CHP1: variants seen among roughly 807,000 people sequenced by gnomAD.
CHP1 encodes the protein calcineurin like EF-hand protein 1.
CHP1 carries 11 observed loss-of-function variants against 27.4 expected under a neutral mutation model. The observed-to-expected ratio is 0.40, with a 90% CI of 0.25 to 0.67. The LOEUF is 0.67. Among genes scored for constraint, CHP1 ranks in the 30% least tolerant of loss-of-function variants. CHP1 has a pLI of 0.38. For missense variants in CHP1, 169 were observed against 251.3 expected, an observed-to-expected ratio of 0.67 and a Z score of 2.22; for synonymous variants, 89 against 87.4, an observed-to-expected ratio of 1.02 and a Z score of -0.10.
chr15:41,234,494 G>A (rs551307329), intron 1 of CHP1, among the ~76,000 whole-genome samples: 1 of 152,232 alleles, frequency 6.6e-6, no homozygotes, highest in South Asian at 2.1e-4. Context: ...TTTATATTCA[G>A]TGCAAAAGCT....
At chr15:41,233,348 A>G (rs1325986166) in intron 1 of CHP1, among the ~76,000 whole-genome samples, 1 of 152,226 alleles carries the variant, frequency 6.6e-6, no homozygotes, top group Non-Finnish European at 1.5e-5. Flanking sequence ...TTTTTGCTTC[A>G]GAATGAAGGG....
chr15:41,238,684 CAA>C (rs770298183), intron 1 of CHP1, among the ~76,000 whole-genome samples: 13 of 123,656 alleles, frequency 1.1e-4, no homozygotes, highest in African/African-American at 9.2e-5. Context: ...ACTAAAAATA[CAA>C]AAAAAAAAAA....
chr15:41,275,789 C>T (rs1173775686), intron 5 of CHP1, among the ~76,000 whole-genome samples: 1 of 152,058 alleles, frequency 6.6e-6, no homozygotes, highest in East Asian at 2.0e-4. Flanking sequence ...AATTTTGGCT[C>T]ACCACAACCT....
At chr15:41,260,147 C>T (rs923815130) in intron 3 of CHP1, among the ~76,000 whole-genome samples, 46 of 151,156 alleles carry the variant, frequency 3.0e-4, no homozygotes, top group Middle Eastern at 3.5e-3. Flanking sequence ...CTCAGCTATT[C>T]GGTGGGGCAC....
At position 41,270,636 on chromosome 15, in the gene CHP1, C is replaced by T. The variant is rs1458515662; in HGVS notation, c.411+18C>T. On this transcript the variant is annotated intron_variant, in intron 5 of 6. Transcript: ENST00000334660. ...TGTTACAGGTATGTGGAGAGCTCCTCGAGAACTTGTGCTTGGACTCTGCCT... is the reference window on the plus strand; with the variant it reads ...TGTTACAGGTATGTGGAGAGCTCCTTGAGAACTTGTGCTTGGACTCTGCCT... The T allele has an allele frequency of 5.6e-6, 9 of 1,601,866 alleles. No homozygotes were observed. The highest frequency in any genetic ancestry group is 3.3e-5 in the Admixed American group (2 of 59,916).
chr15:41,247,272 G>A (rs908172147), intron 2 of CHP1, among the ~76,000 whole-genome samples: 2 of 152,030 alleles, frequency 1.3e-5, no homozygotes, highest in African/African-American at 4.8e-5. Context: ...GGGAGGTTGA[G>A]GCAGGAAAAT....
intron 5 of CHP1, among the ~76,000 whole-genome samples, chr15:41,273,638 C>T (rs1462599247): frequency 6.6e-6 from 1 of 151,670 alleles, no homozygotes; most frequent in African/African-American, 2.4e-5. Context: ...GCCTCGGCCT[C>T]CCAAAGTGTG....
chr15:41,274,869 C>T lies in CHP1; in HGVS notation c.412-3898C>T, dbSNP rs567367242. ...GCAGTGGCATGATCTCAGCTCACTG[C>T]GACCTCCACCTCCCGGGTTCAAGTG... is the stretch of plus-strand genomic sequence containing the variant. On this transcript the variant is annotated intron_variant, in intron 5 of 6. Transcript: ENST00000334660. Among the ~76,000 whole-genome samples the T allele has an allele frequency of 1.5e-4, 22 of 148,334 alleles. 1 individual carries two copies. Among genetic ancestry groups the T allele is most frequent in the South Asian group, 8.5e-4 (4 of 4,698 alleles).
intron 1 of CHP1, among the ~76,000 whole-genome samples, chr15:41,232,974 T>C (rs141988079): frequency 1.7e-3 from 262 of 152,328 alleles, no homozygotes; most frequent in Non-Finnish European, 2.7e-3. Context: ...ATATGGCCCT[T>C]AAGCCTCTCT....
At chr15:41,246,423 G>A (rs2047334721) in intron 2 of CHP1, among the ~76,000 whole-genome samples, 1 of 151,094 alleles carries the variant, frequency 6.6e-6, no homozygotes, top group African/African-American at 2.4e-5. Flanking sequence ...GGGTTCAAGT[G>A]ATTCTCCTGC....
intron 3 of CHP1, among the ~76,000 whole-genome samples, chr15:41,259,931 C>T (rs923761672): frequency 3.9e-5 from 6 of 152,084 alleles, no homozygotes; most frequent in African/African-American, 1.2e-4. Flanking sequence ...GGTTTCACCA[C>T]GTTGGCCAGG....
chr15:41,254,022 A>G lies in CHP1; in HGVS notation c.141-2888A>G, dbSNP rs187721528. ...TTGCCCAGGCTGGTCTCGAACTCCT[A>G]GCCTGAAGCAGTTCTTCCACCTTGG... On this transcript the variant is annotated intron_variant, in intron 2 of 6. Coordinates refer to ENST00000334660, the MANE Select transcript of CHP1 (RefSeq NM_007236.5). Among the ~76,000 whole-genome samples the G allele has an allele frequency of 3.9e-3, 593 of 151,190 alleles. 4 individuals carry two copies. Among genetic ancestry groups the G allele is most frequent in the South Asian group, 0.022 (107 of 4,792 alleles).
intron 1 of CHP1, among the ~76,000 whole-genome samples, chr15:41,236,517 C>T (rs538414534): frequency 1.1e-4 from 16 of 152,112 alleles, no homozygotes; most frequent in Admixed American, 3.9e-4. Flanking sequence ...TCATCCCAGT[C>T]CCCCAAAGTG....
chr15:41,271,930 T>C (rs1029656200), intron 5 of CHP1, among the ~76,000 whole-genome samples: 1 of 152,224 alleles, frequency 6.6e-6, no homozygotes, highest in Non-Finnish European at 1.5e-5. Context: ...TATAGTTGCA[T>C]GTGTTTATGC....
intron 1 of CHP1, among the ~76,000 whole-genome samples, chr15:41,239,733 C>T (rs1302532596): frequency 6.6e-6 from 1 of 151,830 alleles, no homozygotes; most frequent in African/African-American, 2.4e-5. Flanking sequence ...CTGGTCTTAA[C>T]ATACTATAGG....
intron 5 of CHP1, among the ~76,000 whole-genome samples, chr15:41,274,144 A>G (rs879822427): frequency 6.6e-6 from 1 of 151,830 alleles, no homozygotes; most frequent in South Asian, 2.1e-4. Context: ...TATTTTTAGT[A>G]GAGACGGGGT....
At chr15:41,262,629 A>G (rs943560388) in intron 3 of CHP1, 127 bp from the exon 4 acceptor site, 5 of 1,226,398 alleles carry the variant, frequency 4.1e-6, no homozygotes, top group Non-Finnish European at 5.8e-6. Flanking sequence ...TACCATGCGT[A>G]TGGAAAGAAA....
At position 41,248,932 on chromosome 15, in the gene CHP1, A is replaced by T. The variant is rs532517466; in HGVS notation, c.140+5193A>T. Among the ~76,000 whole-genome samples, 20 of 152,244 alleles carry T rather than the reference A, an allele frequency of 1.3e-4. No individual in the cohort carries two copies. The South Asian group carries it at 2.7e-3, about 21-fold the overall frequency. Reference sequence around the variant, plus strand: ...TGTGCCTCCTGACAATTATCTTCTTAGCCTGTGGCCATCCGATTAAATTGT... The same window carrying T: ...TGTGCCTCCTGACAATTATCTTCTTTGCCTGTGGCCATCCGATTAAATTGT... On this transcript the variant is annotated intron_variant, in intron 2 of 6. Transcript: ENST00000334660.
chr15:41,246,879 C>G (rs749722634), intron 2 of CHP1, among the ~76,000 whole-genome samples: 2 of 150,908 alleles, frequency 1.3e-5, no homozygotes, highest in Non-Finnish European at 2.9e-5. Flanking sequence ...CACAGCTAGA[C>G]TCCATCTCAA....
Sources: allele counts gnomAD v4.1 joint callset (sites outside exome capture counted in the v4.1 genomes callset), GRCh38; gene constraint gnomAD v4.1.1; transcripts MANE v1.5; gene names NCBI Gene and HGNC (gene_info 2026-07-23, HGNC 2026-07-21).